The following MEMO1 variants were observed in gnomAD, a reference collection of about 807,000 sequenced individuals.
MEMO1 encodes the protein protein MEMO1.
Under a neutral mutation model 45.2 loss-of-function variants are expected in MEMO1, and 6 were observed. That is an observed-to-expected ratio of 0.13 (90% CI 0.07 to 0.26). MEMO1 has a LOEUF of 0.26. Ranked by LOEUF, MEMO1 falls within the 10% of genes least tolerant of loss-of-function variation. The pLI, the probability that MEMO1 is intolerant of heterozygous loss-of-function variation, is 1.00. For synonymous variants in MEMO1, 78 were observed against 124.3 expected (o/e 0.63, Z 2.48); for missense variants, 184 against 370.5 (o/e 0.50, Z 4.13).
intron 2 of MEMO1, among the ~76,000 whole-genome samples, chr2:31,950,645 T>C (rs1666739590): frequency 6.7e-6 from 1 of 149,560 alleles, no homozygotes. Context: ...CGCTTGAACC[T>C]GGGAAGCGGA....
intron 2 of MEMO1, among the ~76,000 whole-genome samples, chr2:31,988,178 C>A (rs1415480057): frequency 6.6e-6 from 1 of 152,108 alleles, no homozygotes; most frequent in East Asian, 1.9e-4. Flanking sequence ...GTCCTCCAGA[C>A]CAAAACCACT....
intron 8 of MEMO1, among the ~76,000 whole-genome samples, chr2:31,881,495 TAAAAAAAAAA>T (rs34058748): frequency 4.4e-5 from 3 of 68,430 alleles, no homozygotes; most frequent in African/African-American, 6.0e-5. Flanking sequence ...AGCCTGTCTT[TAAAAAAAAAA>T]AAAAAAAAAA....
chr2:31,940,687 G>T (rs1665507893), intron 3 of MEMO1, among the ~76,000 whole-genome samples: 2 of 152,128 alleles, frequency 1.3e-5, no homozygotes, highest in Non-Finnish European at 2.9e-5. Context: ...GACTACAGTT[G>T]CATCCCATCA....
At chr2:31,992,331 C>T (rs1054101782) in intron 2 of MEMO1, among the ~76,000 whole-genome samples, 1 of 152,216 alleles carries the variant, frequency 6.6e-6, no homozygotes, top group Non-Finnish European at 1.5e-5. Context: ...AGTTGACTAG[C>T]TGCAAAGGCA....
At chr2:31,987,821 T>A (rs1015171436) in intron 2 of MEMO1, among the ~76,000 whole-genome samples, 3 of 152,098 alleles carry the variant, frequency 2.0e-5, no homozygotes, top group Non-Finnish European at 4.4e-5. Context: ...TAGTGTATGG[T>A]AAAAAAAGCA....
At chr2:31,917,243 A>C (rs915275676) in intron 6 of MEMO1, among the ~76,000 whole-genome samples, 33 of 152,228 alleles carry the variant, frequency 2.2e-4, no homozygotes, top group African/African-American at 7.7e-4. Context: ...GGTTTTAAAA[A>C]TTAGAGAAAC....
chr2:32,005,494 T>C (rs942557494), intron 2 of MEMO1, among the ~76,000 whole-genome samples: 2 of 152,138 alleles, frequency 1.3e-5, no homozygotes, highest in African/African-American at 4.8e-5. Flanking sequence ...ATACTCATTA[T>C]GTGAATGTAC....
At chr2:31,974,179 T>C (rs1342773511) in intron 2 of MEMO1, among the ~76,000 whole-genome samples, 1 of 145,518 alleles carries the variant, frequency 6.9e-6, no homozygotes, top group Non-Finnish European at 1.5e-5. Context: ...AATACAAAAA[T>C]AGGGGCACTT....
chr2:31,960,047 A>T (rs2148404035), intron 2 of MEMO1, among the ~76,000 whole-genome samples: 1 of 152,220 alleles, frequency 6.6e-6, no homozygotes, highest in Non-Finnish European at 1.5e-5. Flanking sequence ...AAGTACAAAA[A>T]TCAGCCGGGT....
chr2:31,908,312 C>T (rs1316208835), intron 6 of MEMO1, among the ~76,000 whole-genome samples: 1 of 152,042 alleles, frequency 6.6e-6, no homozygotes. Flanking sequence ...GTGATATAAA[C>T]AGGTGCTAGT....
chr2:32,007,066 C>T (rs1290127109), intron 2 of MEMO1, among the ~76,000 whole-genome samples: 1 of 151,974 alleles, frequency 6.6e-6, no homozygotes, highest in African/African-American at 2.4e-5. Flanking sequence ...ACTAAGAAAC[C>T]TCCATTGGTC....
At chr2:31,891,557 G>GAA (rs563528627) in intron 7 of MEMO1, among the ~76,000 whole-genome samples, 1 of 141,690 alleles carries the variant, frequency 7.1e-6, no homozygotes, top group Admixed American at 7.1e-5. Flanking sequence ...CACCAAAGGG[G>GAA]AAAAAAAAAA....
intron 2 of MEMO1, among the ~76,000 whole-genome samples, chr2:31,951,824 C>A (rs1666882063): frequency 6.6e-6 from 1 of 152,164 alleles, no homozygotes; most frequent in South Asian, 2.1e-4. Context: ...AGCCACCACG[C>A]CCAGCCCCAT....
At chr2:31,999,822 A>G (rs1331215184) in intron 2 of MEMO1, among the ~76,000 whole-genome samples, 2 of 151,932 alleles carry the variant, frequency 1.3e-5, no homozygotes, top group East Asian at 3.9e-4. Context: ...CCCTCTGCCT[A>G]AAATCATCTA....
chr2:31,993,554 G>C (rs1298106809), intron 2 of MEMO1, among the ~76,000 whole-genome samples: 3 of 152,178 alleles, frequency 2.0e-5, no homozygotes. Context: ...TTCCGGATCA[G>C]AATTCTGGAG....
At chr2:31,937,211 C>T (rs1665018258) in intron 3 of MEMO1, among the ~76,000 whole-genome samples, 1 of 152,010 alleles carries the variant, frequency 6.6e-6, no homozygotes, top group Non-Finnish European at 1.5e-5. Context: ...GATAATTGTG[C>T]CCAAAAAAGT....
chr2:31,950,750 C>T (rs987663645), intron 2 of MEMO1, among the ~76,000 whole-genome samples: 8 of 149,632 alleles, frequency 5.3e-5, no homozygotes, highest in Non-Finnish European at 1.0e-4. Flanking sequence ...AAAAATAAAA[C>T]AATGGAAGTA....
chr2:31,874,721 T>C (rs1412087818), intron 8 of MEMO1, among the ~76,000 whole-genome samples: 1 of 151,988 alleles, frequency 6.6e-6, no homozygotes, highest in East Asian at 1.9e-4. Flanking sequence ...ATTTTTATAA[T>C]GCTTATACAG....
At chr2:31,896,097 C>A (rs1052658019) in intron 6 of MEMO1, among the ~76,000 whole-genome samples, 7 of 152,094 alleles carry the variant, frequency 4.6e-5, no homozygotes, top group African/African-American at 1.7e-4. Flanking sequence ...CCCGCCTCAG[C>A]CTCCCAAAGT....
Sources: gnomAD v4.1 joint callset for allele counts (sites outside exome capture counted in the v4.1 genomes callset) on GRCh38, gnomAD v4.1.1 for gene constraint, MANE v1.5 for transcripts, NCBI Gene and HGNC (gene_info 2026-07-23, HGNC 2026-07-21) for gene names.